DPYD: variants seen among roughly 807,000 people sequenced by gnomAD.
DPYD encodes the protein dihydropyrimidine dehydrogenase [NADP(+)].
DPYD carries 109 observed loss-of-function variants against 116.2 expected under a neutral mutation model. The observed-to-expected ratio is 0.94, with a 90% CI of 0.80 to 1.10. The LOEUF (loss-of-function observed/expected upper bound fraction) is 1.10. Among genes scored for constraint, DPYD ranks in the 50% least tolerant of loss-of-function variants. The probability of loss-of-function intolerance (pLI) is 0.00; values close to 1 mark genes in which losing one functional copy is unlikely to be tolerated. For synonymous variants in DPYD, 440 were observed against 432.0 expected, an observed-to-expected ratio of 1.02 and a Z score of -0.23; for missense variants, 1,302 against 1,254.5, an observed-to-expected ratio of 1.04 and a Z score of -0.57.
At chr1:97,222,768 T>A (rs1660860596) in intron 19 of DPYD, among the ~76,000 whole-genome samples, 2 of 152,044 alleles carry the variant, frequency 1.3e-5, no homozygotes, top group African/African-American at 4.8e-5. Flanking sequence ...GAAACATTCA[T>A]TAAAGCCAGG....
chr1:97,309,939 A>T (rs944583422), intron 16 of DPYD, among the ~76,000 whole-genome samples: 1 of 151,754 alleles, frequency 6.6e-6, no homozygotes, highest in African/African-American at 2.4e-5. Flanking sequence ...TCTTCATTGT[A>T]GAGCAGGTAT....
At chr1:97,558,167 C>A (rs1248716677) in intron 11 of DPYD, among the ~76,000 whole-genome samples, 2 of 152,046 alleles carry the variant, frequency 1.3e-5, no homozygotes, top group Non-Finnish European at 2.9e-5. Flanking sequence ...AACCTTTTTC[C>A]CCCCCTTTCT....
At chr1:97,747,617 T>G (rs1664630501) in intron 3 of DPYD, among the ~76,000 whole-genome samples, 1 of 152,134 alleles carries the variant, frequency 6.6e-6, no homozygotes, top group East Asian at 1.9e-4. Context: ...CATAAGTCAG[T>G]CAGATAATAC....
chr1:97,373,161 T>C (rs1289479647), intron 16 of DPYD, among the ~76,000 whole-genome samples: 1 of 152,186 alleles, frequency 6.6e-6, no homozygotes, highest in Non-Finnish European at 1.5e-5. Flanking sequence ...TAAAATGCAA[T>C]TTGTGCCGTG....
intron 8 of DPYD, among the ~76,000 whole-genome samples, chr1:97,642,286 AAACATTAAGC>A (rs1025606535): frequency 2.6e-5 from 4 of 152,112 alleles, no homozygotes; most frequent in African/African-American, 9.7e-5. Context: ...ATAGCCAAGA[AAACATTAAGC>A]ATGAAGAACA....
At chr1:97,848,557 G>A (rs1670419467) in intron 2 of DPYD, among the ~76,000 whole-genome samples, 2 of 152,124 alleles carry the variant, frequency 1.3e-5, no homozygotes, top group South Asian at 4.1e-4. Flanking sequence ...TGTTATTAGG[G>A]CAACAGATGT....
At chr1:97,352,816 A>G (rs981482347) in intron 16 of DPYD, among the ~76,000 whole-genome samples, 1 of 152,200 alleles carries the variant, frequency 6.6e-6, no homozygotes, top group Non-Finnish European at 1.5e-5. Flanking sequence ...GAAAATGACA[A>G]CTACATAACA....
Position 97,699,658 on chromosome 1 carries a change from T to C in DPYD, c.484-111A>G, listed in dbSNP as rs564492010. ...GTTTTAAATAGCAATGAGCAGTACA[T>C]TTTCAGTATTAATATGGTATACTTA... On this transcript the variant is annotated intron_variant, in intron 5 of 22. Transcript: ENST00000370192. The C allele has an allele frequency of 3.3e-5, 34 of 1,044,598 alleles. 1 individual carries two copies. The highest frequency in any genetic ancestry group is 1.8e-4 in the South Asian group (13 of 72,394). 64.7% of individuals were successfully genotyped at this position (1,044,598 alleles called of 1,614,324 possible). A position where few individuals can be genotyped will look rare whatever the true frequency, so the allele number is the denominator to read the frequency against.
chr1:97,848,552 T>C (rs1355391361), intron 2 of DPYD, among the ~76,000 whole-genome samples: 1 of 152,226 alleles, frequency 6.6e-6, no homozygotes, highest in Non-Finnish European at 1.5e-5. Context: ...TTTTATGTTA[T>C]TAGGGCAACA....
At chr1:97,614,657 C>A (rs904161476) in intron 8 of DPYD, among the ~76,000 whole-genome samples, 1 of 152,042 alleles carries the variant, frequency 6.6e-6, no homozygotes, top group African/African-American at 2.4e-5. Flanking sequence ...TAATATAAAT[C>A]AACTATACAT....
At chr1:97,733,156 T>A (rs1464822060) in intron 4 of DPYD, among the ~76,000 whole-genome samples, 1 of 152,066 alleles carries the variant, frequency 6.6e-6, no homozygotes, top group Non-Finnish European at 1.5e-5. Context: ...ATTTTAGCAA[T>A]CTGGGAGGAA....
At chr1:97,405,210 T>C (rs1673592687) in intron 14 of DPYD, among the ~76,000 whole-genome samples, 2 of 152,090 alleles carry the variant, frequency 1.3e-5, no homozygotes, top group African/African-American at 4.8e-5. Context: ...TTTGAACAAA[T>C]TGTTATTAGA....
At chr1:97,661,841 A>G (rs1343256756) in intron 8 of DPYD, among the ~76,000 whole-genome samples, 4 of 151,942 alleles carry the variant, frequency 2.6e-5, no homozygotes, top group Non-Finnish European at 4.4e-5. Flanking sequence ...TTTTTAAGTA[A>G]AAGATTTTCT....
rs946072435 is a variant in DPYD, at chr1:97,843,801, C to T, written c.151-15605G>A. ...TTAGAGTTTATTCTAAATATTTATT[C>T]TAAATATTCTAGGCATCTGCCCTCA... On this transcript the variant is annotated intron_variant, in intron 2 of 22. Coordinates refer to ENST00000370192, the MANE Select transcript of DPYD (RefSeq NM_000110.4). Among the ~76,000 whole-genome samples the T allele has an allele frequency of 2.6e-5, 4 of 152,022 alleles. No homozygotes were observed. The South Asian group carries it at 8.3e-4, about 31-fold the overall frequency.
chr1:97,515,832 G>A lies in DPYD; in HGVS notation c.1634C>T (p.Pro545Leu), dbSNP rs2101976117. The change falls in exon 13 of 23, where the codon CCT (proline) becomes CTT (leucine). Residue 545 changes from proline to leucine, a missense_variant. Transcript: ENST00000370192. ...VEMAGLKFIN[P>L]FGLASATPAT... Reference sequence around the variant, plus strand: ...TGGAGTTGCGCTAGCAAGACCAAAAGGATTTATAAACTTCAATCCGGCCAT... The same window carrying A: ...TGGAGTTGCGCTAGCAAGACCAAAAAGATTTATAAACTTCAATCCGGCCAT... 6.2e-7 allele frequency: 1 copy of A among 1,612,904 alleles called. No individual in the cohort carries two copies. The highest frequency in any genetic ancestry group is 8.5e-7 in the Non-Finnish European group (1 of 1,179,272).
chr1:97,705,681 C>T (rs1452860452), intron 5 of DPYD, among the ~76,000 whole-genome samples: 5 of 152,094 alleles, frequency 3.3e-5, no homozygotes, highest in South Asian at 2.1e-4. Context: ...ATGGTATTTC[C>T]AGTTCTAGAT....
In DPYD at chr1:97,732,882, G is replaced by A. The variant is rs183963616; in HGVS notation, c.321+7510C>T. Among the ~76,000 whole-genome samples the A allele has an allele frequency of 3.6e-3, 548 of 152,088 alleles. 1 individual carries two copies. The highest frequency in any genetic ancestry group is 7.1e-3 in the Admixed American group (108 of 15,280). ...CATGGTGCTCAATATTTATTCTGTAGAACTCTTTCAGTTTACAAAGCTAGT... is the reference window on the plus strand; with the variant it reads ...CATGGTGCTCAATATTTATTCTGTAAAACTCTTTCAGTTTACAAAGCTAGT... On this transcript the variant is annotated intron_variant, in intron 4 of 22. Coordinates refer to ENST00000370192, the MANE Select transcript of DPYD (RefSeq NM_000110.4).
chr1:97,864,761 C>G (rs1260599361), intron 2 of DPYD, among the ~76,000 whole-genome samples: 1 of 151,738 alleles, frequency 6.6e-6, no homozygotes, highest in African/African-American at 2.4e-5. Flanking sequence ...ATATGTTCAC[C>G]AGATTTATTA....
chr1:97,477,347 T>A (rs554070737), intron 13 of DPYD, among the ~76,000 whole-genome samples: 2 of 152,300 alleles, frequency 1.3e-5, no homozygotes, highest in Non-Finnish European at 2.9e-5. Context: ...AGGAATTAAG[T>A]CACATCTTTA....
Sources: allele counts gnomAD v4.1 joint callset (sites outside exome capture counted in the v4.1 genomes callset), GRCh38; gene constraint gnomAD v4.1.1; transcripts MANE v1.5; gene names NCBI Gene and HGNC (gene_info 2026-07-23, HGNC 2026-07-21).